The following PIEZO2 variants were observed in gnomAD, a reference collection of about 807,000 sequenced individuals.
PIEZO2 encodes piezo type mechanosensitive ion channel component 2, also known as piezo-type mechanosensitive ion channel component 2.
A neutral mutation model predicts 337.3 loss-of-function variants in PIEZO2; 172 were observed. The observed-to-expected ratio is 0.51, with a 90% CI of 0.45 to 0.58. The LOEUF (loss-of-function observed/expected upper bound fraction) is 0.58. Ranked by LOEUF, PIEZO2 falls within the 20% of genes least tolerant of loss-of-function variation. The pLI is 0.00. For synonymous variants in PIEZO2, 1,251 were observed against 1,228.5 expected, an observed-to-expected ratio of 1.02 and a Z score of -0.38; for missense variants, 3,028 against 3,391.3, an observed-to-expected ratio of 0.89 and a Z score of 2.66.
intron 39 of PIEZO2, among the ~76,000 whole-genome samples, chr18:10,714,059 C>A (rs1305285362): frequency 6.6e-6 from 1 of 152,060 alleles, no homozygotes; most frequent in South Asian, 2.1e-4. Context: ...TTTTGGATTG[C>A]GGGTCCGCTT....
In PIEZO2 at chr18:10,837,971, C is replaced by T. The variant is rs1373856872; in HGVS notation, c.917+17382G>A. On this transcript the variant is annotated intron_variant, in intron 7 of 55. Transcript: ENST00000674853. This position sits in a 1 kb window ranked among gnomAD's most constrained non-coding sequence, Gnocchi z 4.4. The stretch of plus-strand genomic sequence containing the variant: ...TTCGTCATGTTGGCCAGGCTGGTCT[C>T]GAACTCCTGATCGCAGGTGATCTGT... 2.0e-5 allele frequency among the ~76,000 whole-genome samples: 3 copies of T among 152,018 alleles called. No homozygotes were observed. Among genetic ancestry groups the T allele is most frequent in the South Asian group, 2.1e-4 (1 of 4,818 alleles).
At chr18:10,751,982 C>T (rs111930140) in intron 28 of PIEZO2, among the ~76,000 whole-genome samples, 2,236 of 152,104 alleles carry the variant, frequency 0.015, 25 homozygotes, top group Middle Eastern at 0.024. Flanking sequence ...CAAGCTTCGT[C>T]GGGGCCTGGT....
intron 1 of PIEZO2, 33 bp from the exon 2 acceptor site, chr18:11,066,255 A>C: frequency 6.7e-7 from 1 of 1,501,760 alleles, no homozygotes; most frequent in South Asian, 1.2e-5. Context: ...GAGTGAGAAG[A>C]TCATTAACAA....
chr18:10,691,141 C>G (rs1872310953), intron 48 of PIEZO2, 84 bp downstream of exon 48: 1 of 1,447,378 alleles, frequency 6.9e-7, no homozygotes, highest in Non-Finnish European at 9.5e-7. Context: ...ATCCTCTCCC[C>G]CTTACTTCCC....
In PIEZO2 at chr18:10,862,569, G is replaced by A. The variant is rs1259447487; in HGVS notation, c.493-5358C>T. Among the ~76,000 whole-genome samples, 1 of 152,156 alleles carries A rather than the reference G, an allele frequency of 6.6e-6. No homozygotes were observed. Among genetic ancestry groups the A allele is most frequent in the Non-Finnish European group, 1.5e-5 (1 of 68,026 alleles). ...AAGAAGACACAATAAATCACTTTTG[G>A]TAGGACACAAACATCCATGTTTCAT... On this transcript the variant is annotated intron_variant, in intron 5 of 55. Coordinates refer to ENST00000674853, the MANE Select transcript of PIEZO2 (RefSeq NM_001378183.1). This position sits in a 1 kb window ranked among gnomAD's most constrained non-coding sequence, Gnocchi z 4.4.
At position 11,028,910 on chromosome 18, in the gene PIEZO2, G is replaced by T. The variant is rs534426692; in HGVS notation, c.160+37217C>A. On this transcript the variant is annotated intron_variant, in intron 2 of 55. Coordinates refer to ENST00000674853, the MANE Select transcript of PIEZO2 (RefSeq NM_001378183.1). This position sits in a 1 kb window ranked among gnomAD's most constrained non-coding sequence, Gnocchi z 4.8. ...TACATTTGGTGTCATAGGAAACAGA[G>T]TTGAAAAAAAATTTAGATAAGATGG... Among the ~76,000 whole-genome samples, 1 of 152,048 alleles carries T rather than the reference G, an allele frequency of 6.6e-6. No individual in the cohort carries two copies. Among genetic ancestry groups the T allele is most frequent in the South Asian group, 2.1e-4 (1 of 4,810 alleles).
chr18:10,725,463 C>A, intron 36 of PIEZO2: 1 of 1,567,066 alleles, frequency 6.4e-7, no homozygotes, highest in South Asian at 1.1e-5. Context: ...TGAAATAGGT[C>A]AGGGTGTGGG....
chr18:10,718,213 T>A lies in PIEZO2; in HGVS notation c.5076A>T (p.Lys1692Asn), dbSNP rs1232838479. Residue 1692 changes from lysine to asparagine, a missense_variant, in exon 37 of 56, where the codon AAA (lysine) becomes AAT (asparagine). Lys to Asn is a moderately conservative substitution (Grantham distance 94). Around this residue, in one of 5 missense-constraint regions of PIEZO2, gnomAD observed 1,925 missense variants for 2,051.9 expected, o/e 0.94. Transcript: ENST00000674853. ...TTATTTTGTTACCTGGTCCATCGGA[T>A]TTCTTTTTGATTGGTTCATCCTCCC... ...EDREDEPIKK[K>N]SDGPDNIIKR... The A allele has an allele frequency of 3.3e-5, 50 of 1,536,870 alleles. No homozygotes were observed. The highest frequency in any genetic ancestry group is 3.8e-5 in the Non-Finnish European group (44 of 1,146,650).
At chr18:10,948,350 T>A (rs2033131947) in intron 3 of PIEZO2, among the ~76,000 whole-genome samples, 3 of 152,182 alleles carry the variant, frequency 2.0e-5, no homozygotes, top group Admixed American at 2.0e-4. Context: ...ATTAATTTTG[T>A]TGACTTAGAA....
intron 7 of PIEZO2, among the ~76,000 whole-genome samples, chr18:10,842,969 T>C (rs985420804): frequency 2.6e-5 from 4 of 152,228 alleles, no homozygotes; most frequent in Admixed American, 1.3e-4. Flanking sequence ...GCTAATCTCT[T>C]ATCCTTGAGT....
chr18:10,768,344 G>A (rs2038453830), intron 21 of PIEZO2, among the ~76,000 whole-genome samples: 1 of 152,214 alleles, frequency 6.6e-6, no homozygotes, highest in Non-Finnish European at 1.5e-5. Flanking sequence ...AAGGGACCAT[G>A]AGGGTCTGAA....
chr18:10,715,069 T>C, intron 38 of PIEZO2, 139 bp from the exon 39 acceptor site: 1 of 781,798 alleles, frequency 1.3e-6, no homozygotes, highest in East Asian at 2.8e-5. Flanking sequence ...AAGTGGGGAT[T>C]GATGTCGACT....
intron 27 of PIEZO2, among the ~76,000 whole-genome samples, chr18:10,753,480 C>T (rs556369318): frequency 4.6e-5 from 7 of 152,300 alleles, no homozygotes; most frequent in Non-Finnish European, 1.0e-4. Flanking sequence ...GTGAGGCCAG[C>T]GTTCCGGTGT....
chr18:11,129,747 A>C lies in PIEZO2; in HGVS notation c.64+18778T>G, dbSNP rs1188841476. Among the ~76,000 whole-genome samples, 1 of 152,174 alleles carries C rather than the reference A, an allele frequency of 6.6e-6. No individual in the cohort carries two copies. Among genetic ancestry groups the C allele is most frequent in the Non-Finnish European group, 1.5e-5 (1 of 68,032 alleles). Reference sequence around the variant, plus strand: ...GCATTGAGGAAAGGGAAATGATCAGACATTTCAGGGACTACTGGCTCTGGC... The same window carrying C: ...GCATTGAGGAAAGGGAAATGATCAGCCATTTCAGGGACTACTGGCTCTGGC... On this transcript the variant is annotated intron_variant, in intron 1 of 55. Transcript: ENST00000674853. This position sits in a 1 kb window ranked among gnomAD's most constrained non-coding sequence, Gnocchi z 4.6.
In PIEZO2 at chr18:11,035,566, G is replaced by A. The variant is rs185457056; in HGVS notation, c.160+30561C>T. Among the ~76,000 whole-genome samples the A allele has an allele frequency of 1.3e-5, 2 of 152,270 alleles. No individual in the cohort carries two copies. Among genetic ancestry groups the A allele is most frequent in the East Asian group, 1.9e-4 (1 of 5,182 alleles). On this transcript the variant is annotated intron_variant, in intron 2 of 55. Coordinates refer to ENST00000674853, the MANE Select transcript of PIEZO2 (RefSeq NM_001378183.1). This position sits in a 1 kb window ranked among gnomAD's most constrained non-coding sequence, Gnocchi z 4.3. ...AACACAACTCCTCTTGCCAGCAGGG[G>A]ACACATGCAATTTACTTGGCAGCTA...
In PIEZO2 at chr18:10,797,475, T is replaced by C. The variant is rs1198002920; in HGVS notation, c.1426A>G (p.Arg476Gly). The C allele has an allele frequency of 6.5e-7, 1 of 1,537,202 alleles. No individual in the cohort carries two copies. The highest frequency in any genetic ancestry group is 8.7e-7 in the Non-Finnish European group (1 of 1,146,896). The change falls in exon 12 of 56, where the codon AGG becomes GGG. Residue 476 changes from arginine to glycine, a missense_variant. Arg to Gly is a moderately radical substitution (Grantham distance 125). Transcript: ENST00000674853. ...EEEKEEFEEE[R>G]SREEKRSIKV... Reference sequence around the variant, plus strand: ...ATACTTCTTTTTTCCTCACGGCTCCTTTCTTCTTCAAATTCTTCTTTCTCT... The same window carrying C: ...ATACTTCTTTTTTCCTCACGGCTCCCTTCTTCTTCAAATTCTTCTTTCTCT...
At chr18:11,145,913 T>G (rs567685057) in intron 1 of PIEZO2, among the ~76,000 whole-genome samples, 28 of 152,044 alleles carry the variant, frequency 1.8e-4, no homozygotes, top group Non-Finnish European at 2.9e-4. Context: ...TCCTCTGCTT[T>G]CTCCTGGATG....
intron 3 of PIEZO2, among the ~76,000 whole-genome samples, chr18:10,922,169 A>C (rs1328841073): frequency 6.6e-6 from 1 of 152,024 alleles, no homozygotes; most frequent in African/African-American, 2.4e-5. Flanking sequence ...AACCCCTAAT[A>C]AAAACTTGCT....
Position 10,716,163 on chromosome 18 carries a change from G to T in PIEZO2, c.5090-347C>A, listed in dbSNP as rs567835692. Reference sequence around the variant, plus strand: ...GTTTTCAGTAAAAGTTACTCCAAATGTGCCTGCCTCTTCTGTTTCCCCTTC... The same window carrying T: ...GTTTTCAGTAAAAGTTACTCCAAATTTGCCTGCCTCTTCTGTTTCCCCTTC... On this transcript the variant is annotated intron_variant, in intron 37 of 55. Coordinates refer to ENST00000674853, the MANE Select transcript of PIEZO2 (RefSeq NM_001378183.1). The surrounding 1 kb of genome is among the most constrained non-coding windows in gnomAD (Gnocchi z 4.1). Among the ~76,000 whole-genome samples, 5 of 152,224 alleles carry T rather than the reference G, an allele frequency of 3.3e-5. No homozygotes were observed. The highest frequency in any genetic ancestry group is 1.2e-4 in the African/African-American group (5 of 41,528).
Sources: allele counts gnomAD v4.1 joint callset (sites outside exome capture counted in the v4.1 genomes callset), GRCh38; gene constraint gnomAD v4.1.1; regional missense constraint gnomAD v4.1.1; non-coding constraint Gnocchi (gnomAD v3.1); transcripts MANE v1.5; gene names NCBI Gene and HGNC (gene_info 2026-07-23, HGNC 2026-07-21).